The following CACNA1E variants were observed in gnomAD, a reference collection of about 807,000 sequenced individuals.
CACNA1E encodes the protein voltage-dependent R-type calcium channel subunit alpha-1E.
CACNA1E carries 40 observed loss-of-function variants against 259.2 expected under a neutral mutation model. The ratio of observed to expected loss-of-function variants is 0.15; its 90% CI spans 0.12 to 0.20. The LOEUF is 0.20. CACNA1E is among the 10% of genes least tolerant of loss of function. The pLI, the probability that CACNA1E is intolerant of heterozygous loss-of-function variation, is 1.00. For synonymous variants in CACNA1E, 1,104 were observed against 1,138.5 expected, an observed-to-expected ratio of 0.97 and a Z score of 0.61; for missense variants, 1,874 against 3,040.1, an observed-to-expected ratio of 0.62 and a Z score of 9.02.
At chr1:181,519,689 A>G (rs1572086930) in intron 3 of CACNA1E, among the ~76,000 whole-genome samples, 1 of 152,240 alleles carries the variant, frequency 6.6e-6, no homozygotes, top group East Asian at 1.9e-4. Flanking sequence ...GTGTAATTCC[A>G]AATCTAGGAC....
At chr1:181,473,443 G>A (rs905344622) in intron 2 of CACNA1E, among the ~76,000 whole-genome samples, 5 of 152,230 alleles carry the variant, frequency 3.3e-5, no homozygotes, top group African/African-American at 1.2e-4. Context: ...TCTGACTCCT[G>A]TTGCTCTGGG....
chr1:181,459,727 G>T lies in CACNA1E; in HGVS notation c.435-24017G>T, dbSNP rs1452599075. The stretch of plus-strand genomic sequence containing the variant: ...GACCAACTCCATGCATGTAAAACCC[G>T]ACAGCACTTCACCTCATGAAGGTGT... On this transcript the variant is annotated intron_variant, in intron 2 of 11. Coordinates refer to the CACNA1E transcript ENST00000524607. Among the ~76,000 whole-genome samples, 2 of 152,122 alleles carry T rather than the reference G, an allele frequency of 1.3e-5. 1 individual carries two copies. Among genetic ancestry groups the T allele is most frequent in the Admixed American group, 1.3e-4 (2 of 15,262 alleles).
At chr1:181,671,622 A>T (rs758725192) in intron 7 of CACNA1E, among the ~76,000 whole-genome samples, 35 of 152,222 alleles carry the variant, frequency 2.3e-4, no homozygotes, top group Non-Finnish European at 4.6e-4. Flanking sequence ...CCCTCACCTG[A>T]CATAACGGCT....
At chr1:181,670,263 G>A (rs1420709421) in intron 7 of CACNA1E, among the ~76,000 whole-genome samples, 3 of 152,112 alleles carry the variant, frequency 2.0e-5, no homozygotes, top group East Asian at 3.9e-4. Flanking sequence ...CAATTTCCCC[G>A]GCTGATAATC....
rs570241971 is a variant in CACNA1E at position 181,700,336 on chromosome 1, C to T, written c.1056-10618C>T. Among the ~76,000 whole-genome samples, 7 of 152,308 alleles carry T rather than the reference C, an allele frequency of 4.6e-5. No homozygotes were observed. In the South Asian group the frequency reaches 1.2e-3, roughly 27 times the overall value. On this transcript the variant is annotated intron_variant, in intron 7 of 47. Transcript: ENST00000367573. ...ACCTCAGTTGTTTTAGGTCAAGGCA[C>T]AGGGTGTGTGCCCCCTCCACTCCAT...
At position 181,732,125 on chromosome 1, in the gene CACNA1E, T is replaced by C. The variant is rs1655543210; in HGVS notation, c.2298-259T>C. On this transcript the variant is annotated intron_variant, in intron 19 of 47. Transcript: ENST00000367573. This position sits in a 1 kb window ranked among gnomAD's most constrained non-coding sequence, Gnocchi z 5.5. Reference sequence around the variant, plus strand: ...TGGGGACTTGGAACTCCTCCCAGGGTTGATGCCTACCCAGCCCTCAGCTAC... The same window carrying C: ...TGGGGACTTGGAACTCCTCCCAGGGCTGATGCCTACCCAGCCCTCAGCTAC... 6.6e-6 allele frequency among the ~76,000 whole-genome samples: 1 copy of C among 151,872 alleles called. No individual in the cohort carries two copies. Among genetic ancestry groups the C allele is most frequent in the South Asian group, 2.1e-4 (1 of 4,818 alleles).
intron 6 of CACNA1E, among the ~76,000 whole-genome samples, chr1:181,587,070 C>T (rs186219662): frequency 3.0e-4 from 46 of 152,202 alleles, no homozygotes; most frequent in Admixed American, 9.8e-4. Context: ...ATCATCCATT[C>T]ATAGTACTAG....
intron 3 of CACNA1E, among the ~76,000 whole-genome samples, chr1:181,544,603 G>C (rs923583070): frequency 6.6e-6 from 1 of 152,142 alleles, no homozygotes; most frequent in African/African-American, 2.4e-5. Flanking sequence ...TGGTGGCAGT[G>C]GTGGGTTGGT....
At chr1:181,388,409 A>G (rs988980991) in intron 1 of CACNA1E, among the ~76,000 whole-genome samples, 3 of 152,328 alleles carry the variant, frequency 2.0e-5, no homozygotes. Flanking sequence ...TGTGAACATC[A>G]CAGATACACA....
intron 6 of CACNA1E, among the ~76,000 whole-genome samples, chr1:181,600,706 G>A (rs1019443220): frequency 6.6e-6 from 1 of 152,160 alleles, no homozygotes; most frequent in Non-Finnish European, 1.5e-5. Flanking sequence ...TGAGCTGGAG[G>A]CATGTTAAAT....
chr1:181,348,670 G>T (rs1334095144), intron 1 of CACNA1E, among the ~76,000 whole-genome samples: 3 of 152,178 alleles, frequency 2.0e-5, no homozygotes, highest in Admixed American at 2.0e-4. Context: ...TCTTCTAGGA[G>T]ATCCAAGCCA....
Position 181,400,741 on chromosome 1 carries a change from C to T in CACNA1E, c.-14-12392C>T, listed in dbSNP as rs75229095. 5.2e-3 allele frequency among the ~76,000 whole-genome samples: 799 copies of T among 152,242 alleles called. 4 individuals carry two copies. The highest frequency in any genetic ancestry group is 0.024 in the Middle Eastern group (7 of 294). ...GCCATCACGGGCTCTCTCTCTCTGCCTCTCCCCAGTCCTGATGGCCTGTGT... is the reference window on the plus strand; with the variant it reads ...GCCATCACGGGCTCTCTCTCTCTGCTTCTCCCCAGTCCTGATGGCCTGTGT... On this transcript the variant is annotated intron_variant, in intron 1 of 11. Coordinates refer to the CACNA1E transcript ENST00000524607.
intron 25 of CACNA1E, among the ~76,000 whole-genome samples, chr1:181,749,290 T>G (rs1657381298): frequency 6.6e-6 from 1 of 152,182 alleles, no homozygotes; most frequent in Admixed American, 6.5e-5. Context: ...CAGGCCAGGA[T>G]AGGGAATCAT....
intron 1 of CACNA1E, among the ~76,000 whole-genome samples, chr1:181,374,677 G>A (rs969808303): frequency 6.6e-6 from 1 of 152,030 alleles, no homozygotes; most frequent in Non-Finnish European, 1.5e-5. Flanking sequence ...ATGTTGCCCA[G>A]GCTGGTCTTG....
At chr1:181,463,477 G>A (rs142642080) in intron 2 of CACNA1E, among the ~76,000 whole-genome samples, 239 of 152,190 alleles carry the variant, frequency 1.6e-3, no homozygotes, top group African/African-American at 5.5e-3. Context: ...AACATCACTT[G>A]AGATGTTCAG....
At chr1:181,663,042 C>A (rs998245908) in intron 7 of CACNA1E, among the ~76,000 whole-genome samples, 1 of 152,186 alleles carries the variant, frequency 6.6e-6, no homozygotes, top group African/African-American at 2.4e-5. Flanking sequence ...CTATACCCCC[C>A]AATCTCATTT....
At chr1:181,698,390 T>G (rs1651915235) in intron 7 of CACNA1E, among the ~76,000 whole-genome samples, 1 of 152,190 alleles carries the variant, frequency 6.6e-6, no homozygotes, top group South Asian at 2.1e-4. Flanking sequence ...CTAGGCGCCA[T>G]GACTGGTGCC....
intron 7 of CACNA1E, among the ~76,000 whole-genome samples, chr1:181,655,534 G>A (rs1659136310): frequency 6.6e-6 from 1 of 152,114 alleles, no homozygotes; most frequent in Non-Finnish European, 1.5e-5. Flanking sequence ...TTGTTTTTTA[G>A]GATGGGATCA....
chr1:181,766,777 A>G (rs182897052), intron 35 of CACNA1E, among the ~76,000 whole-genome samples, 166 bp downstream of exon 35: 1 of 152,204 alleles, frequency 6.6e-6, no homozygotes, highest in Non-Finnish European at 1.5e-5. Flanking sequence ...TCACATGTGC[A>G]GTGGCTCCCC....
Sources: allele counts gnomAD v4.1 joint callset (sites outside exome capture counted in the v4.1 genomes callset), GRCh38; gene constraint gnomAD v4.1.1; non-coding constraint Gnocchi (gnomAD v3.1); transcripts MANE v1.5; gene names NCBI Gene and HGNC (gene_info 2026-07-23, HGNC 2026-07-21).